GNAQ: variants seen among roughly 807,000 people sequenced by gnomAD.
GNAQ encodes G protein subunit alpha q, also known as guanine nucleotide-binding protein G(q) subunit alpha.
GNAQ carries 8 observed loss-of-function variants against 43.9 expected under a neutral mutation model. The ratio of observed to expected loss-of-function variants is 0.18; its 90% CI spans 0.11 to 0.33. The LOEUF (loss-of-function observed/expected upper bound fraction) is 0.33. Ranked by LOEUF, GNAQ falls within the 10% of genes least tolerant of loss-of-function variation. The probability of loss-of-function intolerance (pLI) is 1.00; values close to 1 mark genes in which losing one functional copy is unlikely to be tolerated. For missense variants in GNAQ, 158 were observed against 450.8 expected, an observed-to-expected ratio of 0.35 and a Z score of 5.88; for synonymous variants, 155 against 170.7, an observed-to-expected ratio of 0.91 and a Z score of 0.71.
chr9:78,018,941 G>A (rs966885553), intron 1 of GNAQ, among the ~76,000 whole-genome samples: 1 of 152,164 alleles, frequency 6.6e-6, no homozygotes, highest in Non-Finnish European at 1.5e-5. Context: ...GTAGACTCCA[G>A]GGGTTTAGAA....
At chr9:78,028,303 G>A (rs1824007304) in intron 1 of GNAQ, among the ~76,000 whole-genome samples, 1 of 151,988 alleles carries the variant, frequency 6.6e-6, no homozygotes, top group African/African-American at 2.4e-5. Flanking sequence ...CGTTTCTAAA[G>A]TTAAAATAAA....
intron 2 of GNAQ, among the ~76,000 whole-genome samples, chr9:77,916,762 A>C (rs1828913299): frequency 6.6e-6 from 1 of 151,944 alleles, no homozygotes; most frequent in Non-Finnish European, 1.5e-5. Context: ...AAACTGGTTT[A>C]CAAAAAAAAA....
intron 1 of GNAQ, among the ~76,000 whole-genome samples, chr9:78,014,607 A>G (rs1038914928): frequency 2.6e-5 from 4 of 152,168 alleles, no homozygotes; most frequent in African/African-American, 7.2e-5. Context: ...CTCCGTCTCA[A>G]AACAAAACAA....
rs571521288 is a variant in GNAQ at position 77,983,381 on chromosome 9, C to G, written c.136+47719G>C. 2.0e-5 allele frequency among the ~76,000 whole-genome samples: 3 copies of G among 152,154 alleles called. No homozygotes were observed. In the South Asian group the frequency reaches 6.2e-4, roughly 32 times the overall value. On this transcript the variant is annotated intron_variant, in intron 1 of 6. Transcript: ENST00000286548. ...ACTTGTGTGGATGTAGGTGTTTATT[C>G]CCTCCCAAATTCCTCCATGGGTAGC...
chr9:77,885,018 T>TTA (rs1444526112), intron 2 of GNAQ, among the ~76,000 whole-genome samples: 1 of 152,178 alleles, frequency 6.6e-6, no homozygotes, highest in East Asian at 1.9e-4. Context: ...AAAGACTAAA[T>TTA]AAGACTACAC....
chr9:77,724,093 T>C (rs908719780), intron 6 of GNAQ, among the ~76,000 whole-genome samples: 15 of 152,194 alleles, frequency 9.9e-5, no homozygotes, highest in African/African-American at 3.6e-4. Context: ...CACCATCACC[T>C]TTCAAGTATT....
intron 5 of GNAQ, among the ~76,000 whole-genome samples, chr9:77,740,742 G>C (rs1825640771): frequency 6.6e-6 from 1 of 152,014 alleles, no homozygotes; most frequent in Admixed American, 6.6e-5. Flanking sequence ...ATGTATTTTT[G>C]GCTATATGAA....
intron 2 of GNAQ, among the ~76,000 whole-genome samples, chr9:77,877,115 G>A (rs1467123675): frequency 6.6e-6 from 1 of 152,152 alleles, no homozygotes; most frequent in African/African-American, 2.4e-5. Context: ...AGAATGATTA[G>A]AAAGTCCTAC....
At chr9:77,827,212 T>G (rs1279908675) in intron 2 of GNAQ, among the ~76,000 whole-genome samples, 1 of 151,776 alleles carries the variant, frequency 6.6e-6, no homozygotes, top group African/African-American at 2.4e-5. Context: ...GACCACAACC[T>G]GAATAAAACC....
intron 2 of GNAQ, among the ~76,000 whole-genome samples, chr9:77,833,685 T>A (rs1247902191): frequency 1.3e-5 from 2 of 152,142 alleles, no homozygotes. Flanking sequence ...GATATAAGAG[T>A]GGCCTTGGAG....
At chr9:77,940,849 C>T (rs1829305602) in intron 1 of GNAQ, among the ~76,000 whole-genome samples, 1 of 151,764 alleles carries the variant, frequency 6.6e-6, no homozygotes, top group African/African-American at 2.4e-5. Context: ...CGCCTGTAGT[C>T]CCAGCTACTT....
At chr9:77,766,764 G>T (rs1196827539) in intron 5 of GNAQ, among the ~76,000 whole-genome samples, 1 of 152,174 alleles carries the variant, frequency 6.6e-6, no homozygotes, top group Non-Finnish European at 1.5e-5. Context: ...GTGACAACTG[G>T]AGCTGCCTTT....
intron 2 of GNAQ, among the ~76,000 whole-genome samples, chr9:77,828,322 T>C (rs745451552): frequency 9.2e-5 from 14 of 152,192 alleles, no homozygotes; most frequent in Non-Finnish European, 2.1e-4. Flanking sequence ...TTCAAAATTT[T>C]AATCAGAAAC....
Position 77,728,495 on chromosome 9 carries a change from G to A in GNAQ, c.889+19C>T, listed in dbSNP as rs752395166. 5.7e-6 allele frequency: 9 copies of A among 1,571,868 alleles called. No homozygotes were observed. The highest frequency in any genetic ancestry group is 7.9e-6 in the Non-Finnish European group (9 of 1,143,354). ...AACCTATTCACAGCTACTGAGCTGT[G>A]GTATGAGTGCTGACTTACCATCATA... On this transcript the variant is annotated intron_variant, in intron 6 of 6. Transcript: ENST00000286548.
intron 1 of GNAQ, among the ~76,000 whole-genome samples, chr9:78,012,010 G>A (rs1440347290): frequency 6.6e-6 from 1 of 152,112 alleles, no homozygotes; most frequent in African/African-American, 2.4e-5. Context: ...ACCTGGATAC[G>A]TTGTTAAGCT....
intron 1 of GNAQ, among the ~76,000 whole-genome samples, chr9:77,948,218 T>C (rs1822928506): frequency 6.6e-6 from 1 of 152,228 alleles, no homozygotes; most frequent in Non-Finnish European, 1.5e-5. Context: ...AACAAAATAG[T>C]GCCTATATTA....
chr9:77,754,205 G>A (rs190387354), intron 5 of GNAQ, among the ~76,000 whole-genome samples: 3 of 152,220 alleles, frequency 2.0e-5, no homozygotes, highest in Admixed American at 2.0e-4. Context: ...GGTGCCTTTT[G>A]TTTCTGTCCC....
chr9:77,975,341 C>G (rs916084009), intron 1 of GNAQ, among the ~76,000 whole-genome samples: 30 of 152,166 alleles, frequency 2.0e-4, no homozygotes, highest in Admixed American at 1.8e-3. Flanking sequence ...GTACCAAGAA[C>G]TGCAATAAGT....
chr9:77,816,584 T>C (rs1827019990), intron 2 of GNAQ, among the ~76,000 whole-genome samples: 1 of 152,164 alleles, frequency 6.6e-6, no homozygotes, highest in South Asian at 2.1e-4. Flanking sequence ...CTAAGGTTTA[T>C]GGAATGCAAT....
Sources: gnomAD v4.1 joint callset for allele counts (sites outside exome capture counted in the v4.1 genomes callset) on GRCh38, gnomAD v4.1.1 for gene constraint, MANE v1.5 for transcripts, NCBI Gene and HGNC (gene_info 2026-07-23, HGNC 2026-07-21) for gene names.